Variants in MAPK10 observed in about 807,000 individuals in gnomAD.
MAPK10 encodes the protein mitogen-activated protein kinase 10.
In MAPK10, 25 loss-of-function variants were observed where a neutral mutation model predicts 59.3. The ratio of observed to expected loss-of-function variants is 0.42; its 90% confidence interval spans 0.31 to 0.59. The LOEUF (loss-of-function observed/expected upper bound fraction) is 0.59. Among genes scored for constraint, MAPK10 ranks in the 20% least tolerant of loss-of-function variants. The probability of loss-of-function intolerance (pLI) is 0.15; values close to 1 mark genes in which losing one functional copy is unlikely to be tolerated. For missense variants in MAPK10, 351 were observed against 568.9 expected, an observed-to-expected ratio of 0.62 and a Z score of 3.90; for synonymous variants, 190 against 200.5, an observed-to-expected ratio of 0.95 and a Z score of 0.44.
intron 1 of MAPK10, among the ~76,000 whole-genome samples, chr4:86,383,251 T>C (rs1741007240): frequency 1.3e-5 from 2 of 152,174 alleles, no homozygotes; most frequent in South Asian, 4.1e-4. Flanking sequence ...TGTTGAGTAT[T>C]TAGTCTAGAC....
intron 1 of MAPK10, among the ~76,000 whole-genome samples, chr4:86,573,261 A>G (rs751180529): frequency 2.2e-4 from 33 of 152,184 alleles, no homozygotes; most frequent in Non-Finnish European, 2.6e-4. Flanking sequence ...TAGGTTTCAC[A>G]TTTTGATCTA....
At chr4:86,509,834 G>T (rs1354993898) in intron 1 of MAPK10, among the ~76,000 whole-genome samples, 1 of 152,164 alleles carries the variant, frequency 6.6e-6, no homozygotes, top group African/African-American at 2.4e-5. Context: ...TTATAAACTT[G>T]TGAGTTTGTA....
At chr4:86,142,440 T>A (rs2063842121) in intron 4 of MAPK10, among the ~76,000 whole-genome samples, 1 of 152,200 alleles carries the variant, frequency 6.6e-6, no homozygotes, top group African/African-American at 2.4e-5. Flanking sequence ...ATTCATTCAT[T>A]CATTCAATGA....
At chr4:86,576,024 T>TGTGTGTGTGTGTGTG (rs1554284007) in intron 1 of MAPK10, among the ~76,000 whole-genome samples, 2 of 150,256 alleles carry the variant, frequency 1.3e-5, no homozygotes, top group Non-Finnish European at 3.0e-5. Flanking sequence ...TGTGTGTGTA[T>TGTGTGTGTGTGTGTG]TATATATTGC....
At chr4:86,440,767 T>C (rs1008756622) in intron 1 of MAPK10, among the ~76,000 whole-genome samples, 5 of 152,218 alleles carry the variant, frequency 3.3e-5, no homozygotes, top group Non-Finnish European at 5.9e-5. Flanking sequence ...AAAGTATTCA[T>C]GATAAATCAT....
At chr4:86,511,969 T>C (rs1225660389) in intron 1 of MAPK10, among the ~76,000 whole-genome samples, 2 of 152,068 alleles carry the variant, frequency 1.3e-5, no homozygotes, top group South Asian at 4.1e-4. Context: ...GATTAATTAA[T>C]TTTTTTAGAA....
chr4:86,432,407 T>C (rs1197931762), intron 1 of MAPK10, among the ~76,000 whole-genome samples: 2 of 152,098 alleles, frequency 1.3e-5, no homozygotes, highest in African/African-American at 4.8e-5. Flanking sequence ...TCCCAGTAGC[T>C]GGGACTACAG....
At chr4:86,171,986 C>A (rs1281638232) in intron 3 of MAPK10, among the ~76,000 whole-genome samples, 1 of 148,314 alleles carries the variant, frequency 6.7e-6, no homozygotes, top group Non-Finnish European at 1.5e-5. Context: ...CTCATCATCA[C>A]TGGCCATCAG....
intron 1 of MAPK10, among the ~76,000 whole-genome samples, chr4:86,430,898 T>C (rs866214359): frequency 5.9e-5 from 9 of 152,196 alleles, no homozygotes; most frequent in Non-Finnish European, 8.8e-5. Flanking sequence ...ATTGAAATAT[T>C]TGAGGCAGTT....
At chr4:86,233,839 C>A (rs1002213749) in intron 2 of MAPK10, among the ~76,000 whole-genome samples, 2 of 152,040 alleles carry the variant, frequency 1.3e-5, no homozygotes, top group Admixed American at 1.3e-4. Flanking sequence ...TACAGGAATC[C>A]AAAAAAGATG....
At chr4:86,524,269 C>A (rs916395087) in intron 1 of MAPK10, among the ~76,000 whole-genome samples, 1 of 152,168 alleles carries the variant, frequency 6.6e-6, no homozygotes, top group Non-Finnish European at 1.5e-5. Context: ...TATGGTAACA[C>A]AAAATTGACC....
intron 1 of MAPK10, among the ~76,000 whole-genome samples, chr4:86,462,898 C>T (rs1751870800): frequency 6.6e-6 from 1 of 152,100 alleles, no homozygotes; most frequent in African/African-American, 2.4e-5. Context: ...AAAGTTCCTG[C>T]CAAGGTTGAG....
At position 86,013,425 on chromosome 4, in the gene MAPK10, C is replaced by T. The variant is rs148878015; in HGVS notation, c.*3803G>A. ...TTCTAGAGCAATTTTACTCCTCTTTCTGAGCTGTAGAAGAATACATTTTTC... is the reference window on the plus strand; with the variant it reads ...TTCTAGAGCAATTTTACTCCTCTTTTTGAGCTGTAGAAGAATACATTTTTC... On this transcript the variant is annotated 3_prime_UTR_variant, in exon 14 of 14. Coordinates refer to ENST00000641462, the MANE Select transcript of MAPK10 (RefSeq NM_138982.4). 1.3e-5 allele frequency: 2 copies of T among 152,148 alleles called. No individual in the cohort carries two copies. Among genetic ancestry groups the T allele is most frequent in the African/African-American group, 4.8e-5 (2 of 41,432 alleles). The allele number at this position is 152,148 out of a possible 1,614,324, so 9.4% of individuals were successfully genotyped here.
At chr4:86,555,536 G>C (rs1760198187) in intron 1 of MAPK10, among the ~76,000 whole-genome samples, 1 of 152,198 alleles carries the variant, frequency 6.6e-6, no homozygotes, top group Non-Finnish European at 1.5e-5. Flanking sequence ...CTTATTGGCT[G>C]AATAACTTAC....
chr4:86,207,025 T>C (rs1563099006), intron 2 of MAPK10, among the ~76,000 whole-genome samples: 1 of 152,006 alleles, frequency 6.6e-6, no homozygotes. Context: ...TAGTTTCTTT[T>C]GCTGTGCAGA....
intron 2 of MAPK10, among the ~76,000 whole-genome samples, chr4:86,281,430 G>A (rs1436700799): frequency 1.3e-5 from 2 of 151,896 alleles, no homozygotes; most frequent in Non-Finnish European, 2.9e-5. Flanking sequence ...GTACCCAGGA[G>A]GCAGAGGTTG....
chr4:86,362,444 TAA>T (rs2148985827), upstream of MAPK10, among the ~76,000 whole-genome samples: 1 of 151,104 alleles, frequency 6.6e-6, no homozygotes, highest in South Asian at 2.1e-4. Flanking sequence ...TCATCAAAAT[TAA>T]AAGCTTCCAC....
At chr4:86,166,624 A>G (rs1394872747) in intron 3 of MAPK10, among the ~76,000 whole-genome samples, 1 of 152,186 alleles carries the variant, frequency 6.6e-6, no homozygotes, top group Non-Finnish European at 1.5e-5. Context: ...AGAGTTCAGA[A>G]TTACAGGATA....
intron 1 of MAPK10, among the ~76,000 whole-genome samples, chr4:86,396,907 T>C (rs1180263976): frequency 6.6e-6 from 1 of 152,226 alleles, no homozygotes; most frequent in Non-Finnish European, 1.5e-5. Flanking sequence ...TAGTAATTTT[T>C]ATATTGATTT....
Sources: allele counts gnomAD v4.1 joint callset (sites outside exome capture counted in the v4.1 genomes callset), GRCh38; gene constraint gnomAD v4.1.1; transcripts MANE v1.5; gene names NCBI Gene and HGNC (gene_info 2026-07-23, HGNC 2026-07-21).